Variants in PCDHGA1 observed in about 807,000 individuals in gnomAD.
The protein encoded by PCDHGA1 is protocadherin gamma-A1.
Under a neutral mutation model 58.0 loss-of-function variants are expected in PCDHGA1, and 32 were observed. That is an observed-to-expected ratio of 0.55 (90% confidence interval 0.42 to 0.74). PCDHGA1 has a LOEUF of 0.74. PCDHGA1 is among the 30% of genes least tolerant of loss of function. PCDHGA1 has a pLI of 0.00. For missense variants in PCDHGA1, 1,205 were observed against 1,182.3 expected (o/e 1.02, Z -0.28); for synonymous variants, 498 against 501.1 (o/e 0.99, Z 0.08).
At position 141,351,252 on chromosome 5, in the gene PCDHGA1, T is replaced by C. The variant is rs755083201; in HGVS notation, c.2421+18147T>C. ...CACACAGCTCACTGTAATGTTCAAA[T>C]AGAAATTGTTGACGAGAATGACAAT... On this transcript the variant is annotated intron_variant, in intron 1 of 3. Transcript: ENST00000517417. 5.6e-6 allele frequency: 9 copies of C among 1,613,836 alleles called. No individual in the cohort carries two copies. The South Asian group carries it at 9.9e-5, about 18-fold the overall frequency.
intron 1 of PCDHGA1, among the ~76,000 whole-genome samples, chr5:141,457,057 C>T (rs1224573005): frequency 6.6e-6 from 1 of 152,182 alleles, no homozygotes; most frequent in Non-Finnish European, 1.5e-5. Flanking sequence ...TTCATGCTTC[C>T]TTTTTGCCAG....
intron 1 of PCDHGA1, 134 bp from the exon 2 acceptor site, chr5:141,494,673 C>G: frequency 4.5e-6 from 7 of 1,542,992 alleles, no homozygotes; most frequent in Non-Finnish European, 6.1e-6. Flanking sequence ...GATGAGTCCA[C>G]CCCTGCCCCC....
At chr5:141,370,903 A>C (rs1767302300) in intron 1 of PCDHGA1, 20 of 1,614,048 alleles carry the variant, frequency 1.2e-5, no homozygotes, top group Non-Finnish European at 1.5e-5. Context: ...CTGCAGCAGT[A>C]CTACCTCAGC....
At chr5:141,346,462 G>C in intron 1 of PCDHGA1, 1 of 1,613,952 alleles carries the variant, frequency 6.2e-7, no homozygotes, top group African/African-American at 1.3e-5. Flanking sequence ...CTTCAGGTGA[G>C]TTTATTTATT....
intron 1 of PCDHGA1, chr5:141,407,897 A>T (rs1178644193): frequency 4.9e-6 from 2 of 405,126 alleles, no homozygotes; most frequent in African/African-American, 4.1e-5. Context: ...CCGAATTCAA[A>T]ATGAAAAACC....
At position 141,344,812 on chromosome 5, in the gene PCDHGA1, G is replaced by A. The variant is rs750760013; in HGVS notation, c.2421+11707G>A. 6.8e-6 allele frequency: 11 copies of A among 1,613,836 alleles called. No homozygotes were observed. Among genetic ancestry groups the A allele is most frequent in the African/African-American group, 4.0e-5 (3 of 74,898 alleles). ...TGGGAGAACGTGCCTGTGGGTACCC[G>A]GCTGCTCACGGTGAATGCCACTGAC... On this transcript the variant is annotated intron_variant, in intron 1 of 3. Transcript: ENST00000517417.
At chr5:141,366,612 C>A (rs780105196) in intron 1 of PCDHGA1, 3 of 1,614,118 alleles carry the variant, frequency 1.9e-6, no homozygotes, top group African/African-American at 1.3e-5. Flanking sequence ...TCCCTCACCG[C>A]GGACTCGAGG....
intron 1 of PCDHGA1, chr5:141,356,485 A>G: frequency 6.2e-7 from 1 of 1,613,910 alleles, no homozygotes; most frequent in East Asian, 2.2e-5. Flanking sequence ...TGACCAGGGA[A>G]CTCCTCCACT....
At chr5:141,410,295 T>A (rs1043971768) in intron 1 of PCDHGA1, 1 of 1,613,982 alleles carries the variant, frequency 6.2e-7, no homozygotes, top group Admixed American at 1.7e-5. Flanking sequence ...GCCTTGGCCT[T>A]AATCTCAGTG....
chr5:141,385,708 A>C (rs1342579594), intron 1 of PCDHGA1: 1 of 259,588 alleles, frequency 3.9e-6, no homozygotes, highest in Non-Finnish European at 6.2e-6. Context: ...TTAGCATTCA[A>C]ATATGTAAAA....
chr5:141,489,268 G>C lies in PCDHGA1; in HGVS notation c.2422-5539G>C. 6.4e-7 allele frequency: 1 copy of C among 1,553,286 alleles called. No individual in the cohort carries two copies. The highest frequency in any genetic ancestry group is 8.7e-7 in the Non-Finnish European group (1 of 1,149,780). ...GGGGCCCAAGACACTCCCACAGCTC[G>C]CTGGGAAATGGCAAGTGCTGTGCAT... On this transcript the variant is annotated intron_variant, in intron 1 of 3. Transcript: ENST00000517417. The surrounding 1 kb of genome is among the most constrained non-coding windows in gnomAD (Gnocchi z 4.5).
intron 1 of PCDHGA1, chr5:141,392,568 T>G: frequency 2.3e-6 from 1 of 442,486 alleles, no homozygotes; most frequent in South Asian, 4.4e-5. Flanking sequence ...CAGTAACTAT[T>G]TAGGACTGTA....
chr5:141,443,999 T>C (rs2098413024), intron 1 of PCDHGA1, among the ~76,000 whole-genome samples: 1 of 152,136 alleles, frequency 6.6e-6, no homozygotes, highest in Non-Finnish European at 1.5e-5. Context: ...TTTTAAATGC[T>C]ACCTGGGTAT....
chr5:141,344,777 T>G, intron 1 of PCDHGA1: 1 of 1,613,952 alleles, frequency 6.2e-7, no homozygotes, highest in Admixed American at 1.7e-5. Context: ...CTGAGTACCG[T>G]GTGAGTGTTT....
At chr5:141,355,779 G>C (rs762969886) in intron 1 of PCDHGA1, 1 of 1,613,716 alleles carries the variant, frequency 6.2e-7, no homozygotes, top group East Asian at 2.2e-5. Context: ...AGTACCCAGA[G>C]CTGGTGCTGG....
intron 1 of PCDHGA1, chr5:141,340,411 C>G (rs778832518): frequency 1.9e-6 from 3 of 1,614,216 alleles, no homozygotes; most frequent in East Asian, 4.5e-5. Flanking sequence ...ATGACCCCGA[C>G]AGCAACGACA....
intron 2 of PCDHGA1, among the ~76,000 whole-genome samples, chr5:141,500,768 A>C (rs2099802446): frequency 6.6e-6 from 1 of 152,180 alleles, no homozygotes; most frequent in African/African-American, 2.4e-5. Flanking sequence ...AACTCCTCTT[A>C]TGAATATACA....
rs777537045 is a variant in PCDHGA1 at position 141,490,191 on chromosome 5, A to T, written c.2422-4616A>T. The T allele has an allele frequency of 6.2e-7, 1 of 1,614,176 alleles. No homozygotes were observed. The highest frequency in any genetic ancestry group is 1.1e-5 in the South Asian group (1 of 91,082). On this transcript the variant is annotated intron_variant, in intron 1 of 3. Coordinates refer to ENST00000517417, the MANE Select transcript of PCDHGA1 (RefSeq NM_018912.3). The surrounding 1 kb of genome is among the most constrained non-coding windows in gnomAD (Gnocchi z 5.4). ...ACTTTGAGGAGTCACGTTTCTATGA[A>T]ATTCATGCAAGAGCCCGTGACCAGG...
chr5:141,500,345 A>G (rs1459262760), intron 2 of PCDHGA1, among the ~76,000 whole-genome samples: 3 of 151,916 alleles, frequency 2.0e-5, no homozygotes, highest in Non-Finnish European at 4.4e-5. Context: ...AATAGCTGGG[A>G]CTACAGGCGC....
Sources: allele counts gnomAD v4.1 joint callset (sites outside exome capture counted in the v4.1 genomes callset), GRCh38; gene constraint gnomAD v4.1.1; non-coding constraint Gnocchi (gnomAD v3.1); transcripts MANE v1.5; gene names NCBI Gene and HGNC (gene_info 2026-07-23, HGNC 2026-07-21).